The following PDHA1 variants were observed in gnomAD, a reference collection of about 807,000 sequenced individuals.
PDHA1 encodes the protein pyruvate dehydrogenase E1 component subunit alpha, somatic form, mitochondrial.
PDHA1 carries 1 observed loss-of-function variant against 33.0 expected under a neutral mutation model. The observed-to-expected ratio is 0.03, with a 90% CI of 0.01 to 0.14. PDHA1 has a LOEUF of 0.14. Ranked by LOEUF, PDHA1 falls within the 10% of genes least tolerant of loss-of-function variation. The probability of loss-of-function intolerance (pLI) is 1.00; values close to 1 mark genes in which losing one functional copy is unlikely to be tolerated. For synonymous variants in PDHA1, 123 were observed against 119.2 expected, an observed-to-expected ratio of 1.03 and a Z score of -0.21; for missense variants, 168 against 325.1, an observed-to-expected ratio of 0.52 and a Z score of 3.72.
intron 1 of PDHA1, among the ~76,000 whole-genome samples, chrX:19,346,977 A>T (rs1309088761): frequency 9.0e-6 from 1 of 110,568 alleles, no homozygotes; most frequent in Non-Finnish European, 1.9e-5. Flanking sequence ...TTTTTTAATT[A>T]ATTTTTTTTT....
At chrX:19,357,801 G>A in intron 9 of PDHA1, 82 bp downstream of exon 9, 3 of 755,994 alleles carry the variant, frequency 4.0e-6, no homozygotes, top group Middle Eastern at 3.0e-4. Flanking sequence ...TTCAGTATTT[G>A]CTTTTGGAGC....
At chrX:19,352,134 T>A (rs2147177107) in intron 4 of PDHA1, among the ~76,000 whole-genome samples, 1 of 111,105 alleles carries the variant, frequency 9.0e-6, no homozygotes, top group East Asian at 2.8e-4. Flanking sequence ...TCTCGCTTTG[T>A]TGCCCAGGCT....
intron 5 of PDHA1, among the ~76,000 whole-genome samples, chrX:19,354,198 T>C (rs904585448): frequency 3.5e-5 from 4 of 112,787 alleles, no homozygotes; most frequent in Non-Finnish European, 7.5e-5. Context: ...CCCAAAGTGC[T>C]GGGATTACAG....
rs1186386431 is a variant in PDHA1 at position 19,345,414 on chromosome X, T to C, written c.57+1320T>C. Among the ~76,000 whole-genome samples the C allele has an allele frequency of 2.8e-5, 3 of 107,858 alleles. No individual in the cohort carries two copies. In the Admixed American group the frequency reaches 3.0e-4, roughly 11 times the overall value. 93.7% of individuals were successfully genotyped at this position (107,858 alleles called of 115,157 possible). ...GGTGAAACCCCGTCTCTACTAAAAA[T>C]ACAAAATTAGCCGGTCGTGGTGGCG... On this transcript the variant is annotated intron_variant, in intron 1 of 10. Transcript: ENST00000422285.
chrX:19,355,849 C>T (rs7058518), intron 8 of PDHA1, 92 bp downstream of exon 8: 17 of 660,066 alleles, frequency 2.6e-5, no homozygotes, highest in Middle Eastern at 4.0e-4. Context: ...TTAGTGGGTA[C>T]CTGCTAATTG....
chrX:19,360,861 A>C lies in PDHA1; in HGVS notation c.*1208A>C, dbSNP rs369499936. On this transcript the variant is annotated 3_prime_UTR_variant, in exon 11 of 11. Transcript: ENST00000422285. ...GGGAAACAAACACAGCTGTCTTCAG[A>C]GTCAGTGCTTCAAGCCAACAGAGCT... is the stretch of plus-strand genomic sequence containing the variant. 3,790 of 1,105,890 alleles carry C rather than the reference A, an allele frequency of 3.4e-3. 10 individuals carry two copies. Among genetic ancestry groups the C allele is most frequent in the Admixed American group, 6.9e-3 (260 of 37,839 alleles). The allele number at this position is 1,105,890 out of a possible 1,213,427, so 91.1% of individuals were successfully genotyped here.
In PDHA1 at chrX:19,360,929, A is replaced by T; in HGVS notation, c.*1276A>T. ...ATTTAAAAACCTAATGAAAATAAAA[A>T]CATTCTCCTCACATATGGAGGTGAC... On this transcript the variant is annotated 3_prime_UTR_variant, in exon 11 of 11. Transcript: ENST00000422285. 1.6e-6 allele frequency: 1 copy of T among 644,753 alleles called. No homozygotes were observed. Among genetic ancestry groups the T allele is most frequent in the Non-Finnish European group, 2.4e-6 (1 of 420,717 alleles). 53.1% of individuals were successfully genotyped at this position (644,753 alleles called of 1,213,427 possible).
At chrX:19,346,949 G>A (rs1320622812) in intron 1 of PDHA1, among the ~76,000 whole-genome samples, 1 of 111,542 alleles carries the variant, frequency 9.0e-6, no homozygotes, top group African/African-American at 3.3e-5. Context: ...ATGTATTTAG[G>A]AAGTTAAAGT....
intron 8 of PDHA1, among the ~76,000 whole-genome samples, chrX:19,357,095 G>A (rs758807221): frequency 8.9e-6 from 1 of 112,282 alleles, no homozygotes; most frequent in African/African-American, 3.2e-5. Context: ...ATGGAAATCT[G>A]TCTAGCCAAT....
At chrX:19,344,187 G>T (rs2063115460) in intron 1 of PDHA1, 93 bp downstream of exon 1, 4 of 775,575 alleles carry the variant, frequency 5.2e-6, no homozygotes, top group Non-Finnish European at 7.5e-6. Flanking sequence ...CCCAGAGCGG[G>T]GTGGAAGGCG....
intron 4 of PDHA1, among the ~76,000 whole-genome samples, chrX:19,352,322 C>G (rs1283188473): frequency 9.2e-6 from 1 of 108,311 alleles, no homozygotes; most frequent in Non-Finnish European, 1.9e-5. Flanking sequence ...GCAGCCTCCG[C>G]CCCCCGGGTT....
intron 6 of PDHA1, among the ~76,000 whole-genome samples, chrX:19,354,955 C>G (rs1359317961): frequency 8.9e-6 from 1 of 112,764 alleles, no homozygotes; most frequent in East Asian, 2.8e-4. Context: ...TTCTATGCTT[C>G]TCTTGTTACC....
chrX:19,357,136 T>A (rs1419322461), intron 8 of PDHA1, among the ~76,000 whole-genome samples: 2 of 112,152 alleles, frequency 1.8e-5, no homozygotes, highest in East Asian at 5.6e-4. Context: ...GCTCAGAGCC[T>A]TTTTCTTTTT....
intron 5 of PDHA1, among the ~76,000 whole-genome samples, chrX:19,353,585 A>C (rs1449585145): frequency 9.0e-6 from 1 of 111,559 alleles, no homozygotes; most frequent in Non-Finnish European, 1.9e-5. Context: ...AATTCTGAGA[A>C]TATATCCCTG....
intron 10 of PDHA1, 127 bp from the exon 11 acceptor site, chrX:19,359,362 C>CTGAATTAGCAACT: frequency 1.8e-6 from 1 of 568,134 alleles, no homozygotes; most frequent in South Asian, 2.5e-5. Flanking sequence ...CCAAAATCTT[C>CTGAATTAGCAACT]TGAATTAGCA....
Position 19,353,409 on chromosome X carries a change from G to T in PDHA1, c.510+236G>T, listed in dbSNP as rs7886893. The T allele has an allele frequency of 0.11, 47,790 of 427,797 alleles. 7,113 individuals carry two copies. Among genetic ancestry groups the T allele is most frequent in the African/African-American group, 0.66 (26,351 of 40,084 alleles). The allele number at this position is 427,797 out of a possible 1,213,427, so 35.3% of individuals were successfully genotyped here. A position where few individuals can be genotyped will look rare whatever the true frequency, so the allele number is the denominator to read the frequency against. The stretch of plus-strand genomic sequence containing the variant: ...AACACATTACCTTTTCTACGTTTAG[G>T]TACACAAATATTTTGCCTACAGGAT... On this transcript the variant is annotated intron_variant, in intron 5 of 10. Coordinates refer to ENST00000422285, the MANE Select transcript of PDHA1 (RefSeq NM_000284.4).
Position 19,359,024 on chromosome X carries a change from G to A in PDHA1, c.1008G>A (p.Lys336=), listed in dbSNP as rs1389423701. The A allele has an allele frequency of 8.9e-7, 1 of 1,121,696 alleles. No individual in the cohort carries two copies. The highest frequency in any genetic ancestry group is 1.8e-5 in the South Asian group (1 of 54,970). 92.4% of individuals were successfully genotyped at this position (1,121,696 alleles called of 1,213,427 possible). A position where few individuals can be genotyped will look rare whatever the true frequency, so the allele number is the denominator to read the frequency against. The change falls in exon 10 of 11, where the codon AAG becomes AAA. Residue 336 remains lysine (K), a splice_region_variant and synonymous_variant. Transcript: ENST00000422285. ...ATCTTGCCAGTGTGGAAGAACTAAA[G>A]GTACAGTCACTTGTTCATGGTGGTT... ...NSNLASVEEL[K]EIDVEVRKEI... is the part of the protein sequence containing the mutation.
chrX:19,346,273 T>A (rs1426180974), intron 1 of PDHA1, among the ~76,000 whole-genome samples: 4 of 111,584 alleles, frequency 3.6e-5, no homozygotes, highest in African/African-American at 1.3e-4. Context: ...GATAATCCCC[T>A]TAACCTCCCA....
intron 8 of PDHA1, among the ~76,000 whole-genome samples, chrX:19,356,391 CG>C (rs1209659481): frequency 9.0e-6 from 1 of 111,646 alleles, no homozygotes; most frequent in Non-Finnish European, 1.9e-5. Context: ...ATACCATGTA[CG>C]TTTAGGCAGT....
Sources: allele counts gnomAD v4.1 joint callset (sites outside exome capture counted in the v4.1 genomes callset), GRCh38; gene constraint gnomAD v4.1.1; transcripts MANE v1.5; gene names NCBI Gene and HGNC (gene_info 2026-07-23, HGNC 2026-07-21).